Variants in FER1L6 observed in about 807,000 individuals in gnomAD.
FER1L6 encodes the protein fer-1-like protein 6.
Under a neutral mutation model 219.2 loss-of-function variants are expected in FER1L6, and 177 were observed. That is an observed-to-expected ratio of 0.81 (90% CI 0.71 to 0.91). FER1L6 has a LOEUF of 0.91. Ranked by LOEUF, FER1L6 falls within the 40% of genes least tolerant of loss-of-function variation. The pLI is 0.00. For synonymous variants in FER1L6, 768 were observed against 824.3 expected (o/e 0.93, Z 1.17); for missense variants, 2,153 against 2,259.9 (o/e 0.95, Z 0.96).
At chr8:124,049,454 A>C (rs1281418200) in intron 21 of FER1L6, among the ~76,000 whole-genome samples, 153 bp from the exon 22 acceptor site, 1 of 152,156 alleles carries the variant, frequency 6.6e-6, no homozygotes, top group Non-Finnish European at 1.5e-5. Flanking sequence ...AGACCTACGG[A>C]AATGGGCAAG....
chr8:123,947,143 G>A (rs1027859835), intron 1 of FER1L6, among the ~76,000 whole-genome samples: 4 of 151,940 alleles, frequency 2.6e-5, no homozygotes, highest in African/African-American at 4.8e-5. Context: ...AAAATTAGCC[G>A]GGTGTGGTGG....
In FER1L6 at chr8:124,103,149, C is replaced by A. The variant is rs751901758; in HGVS notation, c.5129C>A (p.Thr1710Asn). The change falls in exon 39 of 41, where the codon ACC becomes AAC. Residue 1710 changes from threonine (T) to asparagine (N), a missense_variant. Coordinates refer to ENST00000522917, the MANE Select transcript of FER1L6 (RefSeq NM_001039112.2). ...TGTTAGGGTCATCTCTCCACAGGCA[C>A]CCTGGAAATGAACCTCAACAGTTTC... Reference protein sequence around the residue: ...ERLSSDDFLGTLEMNLNSFPR... With the variant: ...ERLSSDDFLGNLEMNLNSFPR... 1 of 1,613,870 alleles carries A rather than the reference C, an allele frequency of 6.2e-7. No individual in the cohort carries two copies. Among genetic ancestry groups the A allele is most frequent in the Non-Finnish European group, 8.5e-7 (1 of 1,179,908 alleles).
In FER1L6 at chr8:123,853,436, T is replaced by C. The variant is rs1035570142; in HGVS notation, c.-8+1251T>C. Among the ~76,000 whole-genome samples the C allele has an allele frequency of 3.0e-4, 45 of 152,200 alleles. No homozygotes were observed. The highest frequency in any genetic ancestry group is 1.0e-3 in the African/African-American group (43 of 41,454). ...TCCCAAAGTGCTGGGATTATAGGCGTGAGCCACCGTACCCGGCCTAAAATA... is the reference window on the plus strand; with the variant it reads ...TCCCAAAGTGCTGGGATTATAGGCGCGAGCCACCGTACCCGGCCTAAAATA... On this transcript the variant is annotated intron_variant, in intron 1 of 40. Coordinates refer to ENST00000522917, the MANE Select transcript of FER1L6 (RefSeq NM_001039112.2). This position sits in a 1 kb window ranked among gnomAD's most constrained non-coding sequence, Gnocchi z 6.6.
At chr8:124,045,086 G>A (rs142109360) in intron 20 of FER1L6, among the ~76,000 whole-genome samples, 126 of 152,314 alleles carry the variant, frequency 8.3e-4, no homozygotes, top group African/African-American at 2.6e-3. Context: ...CAAAACAGTA[G>A]AATTCCACAT....
At chr8:123,949,098 A>C (rs1814634252) in intron 1 of FER1L6, among the ~76,000 whole-genome samples, 1 of 152,210 alleles carries the variant, frequency 6.6e-6, no homozygotes, top group Non-Finnish European at 1.5e-5. Context: ...ATCTCAGGAA[A>C]GCTTCAAAAG....
At chr8:123,854,811 G>T (rs920701926) in intron 1 of FER1L6, among the ~76,000 whole-genome samples, 2 of 152,120 alleles carry the variant, frequency 1.3e-5, no homozygotes, top group Non-Finnish European at 2.9e-5. Flanking sequence ...GGGAGTGAAA[G>T]CCAATCTCTC....
rs1394053586 is a variant in FER1L6 at position 123,852,500 on chromosome 8, GTGTGTGTGTGTGTT to G, written c.-8+318_-8+331del. 1.3e-5 allele frequency among the ~76,000 whole-genome samples: 2 copies of G among 151,266 alleles called. No individual in the cohort carries two copies. Among genetic ancestry groups the G allele is most frequent in the African/African-American group, 4.9e-5 (2 of 40,838 alleles). On this transcript the variant is annotated intron_variant, in intron 1 of 40. Transcript: ENST00000522917. The surrounding 1 kb of genome is among the most constrained non-coding windows in gnomAD (Gnocchi z 4.9). ...TGTGTGTGTGTGTGTGTGTGTGTGT[GTGTGTGTGTGTGTT>G]TGACAGAGACAGAGGGAGGAGAAAG... is the stretch of plus-strand genomic sequence containing the variant.
At chr8:124,034,049 C>T (rs1474290356) in intron 18 of FER1L6, among the ~76,000 whole-genome samples, 3 of 151,902 alleles carry the variant, frequency 2.0e-5, no homozygotes, top group Admixed American at 6.6e-5. Context: ...TGCTCAATTT[C>T]GGATTCAGAG....
intron 31 of FER1L6, among the ~76,000 whole-genome samples, chr8:124,073,533 A>C (rs920440844): frequency 1.3e-5 from 2 of 152,244 alleles, no homozygotes; most frequent in Non-Finnish European, 2.9e-5. Flanking sequence ...ATACTACTTA[A>C]AACTCGCATA....
At chr8:124,068,382 T>C (rs1333107415) in intron 28 of FER1L6, among the ~76,000 whole-genome samples, 1 of 152,302 alleles carries the variant, frequency 6.6e-6, no homozygotes, top group African/African-American at 2.4e-5. Context: ...CCCCATGTCA[T>C]AGGAAATAGT....
At chr8:124,027,385 A>G (rs1001893976) in intron 18 of FER1L6, among the ~76,000 whole-genome samples, 2 of 152,222 alleles carry the variant, frequency 1.3e-5, no homozygotes, top group African/African-American at 2.4e-5. Context: ...GTGAGGAAAA[A>G]GTGAATAAAT....
chr8:124,002,037 C>T (rs751360651), intron 12 of FER1L6, among the ~76,000 whole-genome samples: 2 of 152,190 alleles, frequency 1.3e-5, no homozygotes, highest in African/African-American at 4.8e-5. Flanking sequence ...CAGCCTGATC[C>T]TGTGAGGCGC....
chr8:124,084,339 A>G (rs1324204096), intron 33 of FER1L6, among the ~76,000 whole-genome samples: 1 of 151,838 alleles, frequency 6.6e-6, no homozygotes, highest in African/African-American at 2.4e-5. Flanking sequence ...TTTGTTTCAG[A>G]TCTTAGAGGA....
At chr8:123,897,713 C>T (rs1468915172) in intron 1 of FER1L6, among the ~76,000 whole-genome samples, 1 of 152,158 alleles carries the variant, frequency 6.6e-6, no homozygotes, top group Admixed American at 6.5e-5. Flanking sequence ...ATACATCATT[C>T]ATTGCAGGCT....
At chr8:123,855,774 ATATGTGTGTGTGTG>A (rs1292989138) in intron 1 of FER1L6, among the ~76,000 whole-genome samples, 1 of 146,878 alleles carries the variant, frequency 6.8e-6, no homozygotes, top group African/African-American at 2.6e-5. Flanking sequence ...GTGTGTATAT[ATATGTGTGTGTGTG>A]TATATATATA....
At chr8:123,937,741 T>C (rs1458375564) in intron 1 of FER1L6, among the ~76,000 whole-genome samples, 1 of 152,218 alleles carries the variant, frequency 6.6e-6, no homozygotes, top group Non-Finnish European at 1.5e-5. Flanking sequence ...TTTCAACAAA[T>C]ATTTAAATAA....
chr8:123,980,585 G>A lies in FER1L6; in HGVS notation c.1184G>A (p.Gly395Asp), dbSNP rs756831243. 3 of 1,614,158 alleles carry A rather than the reference G, an allele frequency of 1.9e-6. No homozygotes were observed. Among genetic ancestry groups the A allele is most frequent in the Non-Finnish European group, 2.5e-6 (3 of 1,180,020 alleles). Residue 395 changes from glycine (G) to aspartate (D), a missense_variant, in exon 11 of 41, where the codon GGC (glycine) becomes GAC (aspartate). Physicochemically the swap from Gly to Asp is moderately conservative, Grantham distance 94. Coordinates refer to ENST00000522917, the MANE Select transcript of FER1L6 (RefSeq NM_001039112.2). ...TTTGGGGAAGGTGTGTCATTCAGGG[G>A]CAGAATCTTGGTAGAAATTGCTGTG... ...EGFGEGVSFR[G>D]RILVEIAVEI...
chr8:123,998,438 C>T (rs888350979), intron 12 of FER1L6, among the ~76,000 whole-genome samples: 5 of 135,990 alleles, frequency 3.7e-5, no homozygotes, highest in Non-Finnish European at 7.7e-5. Context: ...ACTGAGTTGC[C>T]TGGAGCTGGG....
Position 123,972,554 on chromosome 8 carries a change from C to A in FER1L6, c.448-880C>A, listed in dbSNP as rs75063900. 3.7e-3 allele frequency among the ~76,000 whole-genome samples: 561 copies of A among 152,256 alleles called. 4 individuals are homozygous for A. Among genetic ancestry groups the A allele is most frequent in the African/African-American group, 0.013 (535 of 41,548 alleles). ...CTTGGGGGCATAACTTGATTATTTGCAGTGATAGGGAGGTCGCTACCTCTA... is the reference window on the plus strand; with the variant it reads ...CTTGGGGGCATAACTTGATTATTTGAAGTGATAGGGAGGTCGCTACCTCTA... On this transcript the variant is annotated intron_variant, in intron 6 of 40. Coordinates refer to ENST00000522917, the MANE Select transcript of FER1L6 (RefSeq NM_001039112.2).
Sources: allele counts gnomAD v4.1 joint callset (sites outside exome capture counted in the v4.1 genomes callset), GRCh38; gene constraint gnomAD v4.1.1; non-coding constraint Gnocchi (gnomAD v3.1); transcripts MANE v1.5; gene names NCBI Gene and HGNC (gene_info 2026-07-23, HGNC 2026-07-21).